The following ERC2 variants were observed in gnomAD, a reference collection of about 807,000 sequenced individuals.
ERC2 encodes the protein ELKS/RAB6-interacting/CAST family member 2, also known as ERC protein 2.
ERC2 carries 42 observed loss-of-function variants against 114.8 expected under a neutral mutation model. The ratio of observed to expected loss-of-function variants is 0.37; its 90% CI spans 0.29 to 0.47. ERC2 has a LOEUF of 0.47. ERC2 is among the 20% of genes least tolerant of loss of function. ERC2 has a pLI of 0.99. For missense variants in ERC2, 939 were observed against 1,150.7 expected, an observed-to-expected ratio of 0.82 and a Z score of 2.66; for synonymous variants, 454 against 425.5, an observed-to-expected ratio of 1.07 and a Z score of -0.82.
chr3:56,029,096 A>C (rs1404470663), intron 7 of ERC2, among the ~76,000 whole-genome samples: 1 of 152,006 alleles, frequency 6.6e-6, no homozygotes, highest in Non-Finnish European at 1.5e-5. Flanking sequence ...TGTGGATTAT[A>C]ATAATTAGTT....
intron 1 of ERC2, among the ~76,000 whole-genome samples, chr3:56,448,500 C>G (rs947794184): frequency 2.6e-5 from 4 of 152,166 alleles, no homozygotes; most frequent in Admixed American, 6.5e-5. Context: ...GCCTGCCCCC[C>G]ACACCTCCGC....
At chr3:56,239,024 C>T (rs368830974) in intron 3 of ERC2, among the ~76,000 whole-genome samples, 8 of 152,046 alleles carry the variant, frequency 5.3e-5, no homozygotes, top group East Asian at 1.9e-4. Context: ...CATAAGGATC[C>T]GCACACATAA....
intron 17 of ERC2, among the ~76,000 whole-genome samples, chr3:55,523,291 T>C (rs2053085987): frequency 1.3e-5 from 2 of 152,214 alleles, no homozygotes; most frequent in South Asian, 2.1e-4. Flanking sequence ...CCTTGAGTGA[T>C]ATTGCAAAAC....
chr3:55,536,330 T>C (rs1192476917), intron 17 of ERC2, among the ~76,000 whole-genome samples: 4 of 152,148 alleles, frequency 2.6e-5, no homozygotes, highest in Admixed American at 2.6e-4. Context: ...AGATGATTGT[T>C]GCCCTTGCTT....
chr3:55,997,786 A>G (rs2071638909), intron 10 of ERC2, among the ~76,000 whole-genome samples: 1 of 150,616 alleles, frequency 6.6e-6, no homozygotes, highest in Admixed American at 6.6e-5. Flanking sequence ...AATTTCATTT[A>G]AAATATATCA....
intron 16 of ERC2, among the ~76,000 whole-genome samples, chr3:55,691,251 G>A (rs1337210563): frequency 6.6e-6 from 1 of 152,032 alleles, no homozygotes; most frequent in Non-Finnish European, 1.5e-5. Flanking sequence ...TTCTTAACCT[G>A]CTAAACACAG....
Position 55,514,596 on chromosome 3 carries a change from G to C in ERC2, c.*40-3320C>G, listed in dbSNP as rs567206524. On this transcript the variant is annotated intron_variant, in intron 17 of 17. Transcript: ENST00000288221. ...GGGATTGGCTGTGCTGTGATGGAGG[G>C]AGCCAGGGGCAAGGACCTGAGAGCT... 2.4e-4 allele frequency among the ~76,000 whole-genome samples: 36 copies of C among 152,330 alleles called. No individual in the cohort carries two copies. The South Asian group carries it at 7.5e-3, about 32-fold the overall frequency.
chr3:55,536,533 C>A (rs773863203), intron 17 of ERC2, among the ~76,000 whole-genome samples: 1 of 152,206 alleles, frequency 6.6e-6, no homozygotes, highest in Non-Finnish European at 1.5e-5. Context: ...TGACTTGATG[C>A]AGGGCCTGGA....
At chr3:55,911,206 G>A (rs2064785047) in intron 13 of ERC2, among the ~76,000 whole-genome samples, 1 of 152,200 alleles carries the variant, frequency 6.6e-6, no homozygotes, top group African/African-American at 2.4e-5. Context: ...AACCCAAAGA[G>A]AGGAGGACGT....
intron 17 of ERC2, among the ~76,000 whole-genome samples, chr3:55,600,399 C>T (rs1020177464): frequency 6.6e-6 from 1 of 152,128 alleles, no homozygotes; most frequent in Admixed American, 6.5e-5. Context: ...AAATAACAGG[C>T]TGTCTTTAAG....
intron 2 of ERC2, among the ~76,000 whole-genome samples, chr3:56,396,536 G>C (rs1275993674): frequency 2.6e-5 from 4 of 152,144 alleles, no homozygotes; most frequent in African/African-American, 9.7e-5. Context: ...AAAAAGGCAA[G>C]TTAGGATTTA....
At chr3:56,331,592 C>T (rs1021055383) in intron 2 of ERC2, among the ~76,000 whole-genome samples, 1 of 152,146 alleles carries the variant, frequency 6.6e-6, no homozygotes, top group Non-Finnish European at 1.5e-5. Flanking sequence ...CCCAGAAAGC[C>T]CTGAGGCTTG....
At chr3:55,925,854 A>G (rs1195246706) in intron 13 of ERC2, among the ~76,000 whole-genome samples, 1 of 152,220 alleles carries the variant, frequency 6.6e-6, no homozygotes, top group African/African-American at 2.4e-5. Flanking sequence ...ACTGTGTTTC[A>G]ATGTTTTGCC....
chr3:56,050,411 G>T (rs1157597061), intron 7 of ERC2, among the ~76,000 whole-genome samples: 1 of 152,142 alleles, frequency 6.6e-6, no homozygotes, highest in East Asian at 1.9e-4. Context: ...AGGCTGTTTT[G>T]TCTCAGTTTC....
At chr3:56,288,695 A>G (rs2054884111) in intron 3 of ERC2, among the ~76,000 whole-genome samples, 1 of 152,250 alleles carries the variant, frequency 6.6e-6, no homozygotes, top group Non-Finnish European at 1.5e-5. Context: ...GTCAGATTAC[A>G]GAGAGAGCGC....
intron 17 of ERC2, among the ~76,000 whole-genome samples, chr3:55,667,130 A>G (rs1323530754): frequency 6.6e-6 from 1 of 152,212 alleles, no homozygotes; most frequent in Non-Finnish European, 1.5e-5. Context: ...GGATAATGGA[A>G]GATAATATAA....
chr3:55,543,513 G>A (rs1011722339), intron 17 of ERC2, among the ~76,000 whole-genome samples: 4 of 152,198 alleles, frequency 2.6e-5, no homozygotes, highest in Non-Finnish European at 4.4e-5. Context: ...GGCCTCAGGC[G>A]GGTTAGCGGT....
chr3:55,723,147 C>T (rs1254635617), intron 15 of ERC2, among the ~76,000 whole-genome samples: 3 of 152,014 alleles, frequency 2.0e-5, no homozygotes, highest in Non-Finnish European at 4.4e-5. Flanking sequence ...TTTTCGAAGG[C>T]TTTTAAGGAC....
At chr3:55,617,603 C>A (rs1269182077) in intron 17 of ERC2, among the ~76,000 whole-genome samples, 1 of 152,166 alleles carries the variant, frequency 6.6e-6, no homozygotes, top group Non-Finnish European at 1.5e-5. Context: ...CCTTTTAACT[C>A]TGCCAAGATG....
Sources: gnomAD v4.1 joint callset for allele counts (sites outside exome capture counted in the v4.1 genomes callset) on GRCh38, gnomAD v4.1.1 for gene constraint, MANE v1.5 for transcripts, NCBI Gene and HGNC (gene_info 2026-07-23, HGNC 2026-07-21) for gene names.